Variants in CTNNA3 observed in about 807,000 individuals in gnomAD.
CTNNA3 encodes catenin alpha 3.
CTNNA3 carries 76 observed loss-of-function variants against 95.7 expected under a neutral mutation model. The ratio of observed to expected loss-of-function variants is 0.79; its 90% CI spans 0.66 to 0.96. CTNNA3 has a LOEUF of 0.96. Ranked by LOEUF, CTNNA3 falls within the 40% of genes least tolerant of loss-of-function variation. CTNNA3 has a pLI of 0.00. For missense variants in CTNNA3, 1,191 were observed against 1,089.8 expected (o/e 1.09, Z -1.31); for synonymous variants, 431 against 374.4 (o/e 1.15, Z -1.74).
intron 7 of CTNNA3, among the ~76,000 whole-genome samples, chr10:67,078,535 G>A (rs772774419): frequency 6.6e-6 from 1 of 151,188 alleles, no homozygotes; most frequent in Non-Finnish European, 1.5e-5. Flanking sequence ...ATTATTATTT[G>A]AGAAGGAGTC....
At chr10:66,656,991 A>G (rs907977738) in intron 9 of CTNNA3, among the ~76,000 whole-genome samples, 4 of 152,122 alleles carry the variant, frequency 2.6e-5, no homozygotes, top group African/African-American at 7.2e-5. Flanking sequence ...TTGCACTTTC[A>G]TGCAAAGAGC....
At chr10:67,120,208 T>G (rs1003045047) in intron 7 of CTNNA3, among the ~76,000 whole-genome samples, 6 of 151,952 alleles carry the variant, frequency 3.9e-5, no homozygotes, top group African/African-American at 1.4e-4. Context: ...TATTATGAAA[T>G]GACTTTTTCT....
At chr10:66,439,822 T>C (rs751819715) in intron 11 of CTNNA3, among the ~76,000 whole-genome samples, 14 of 152,160 alleles carry the variant, frequency 9.2e-5, no homozygotes, top group Non-Finnish European at 1.9e-4. Context: ...AAGGGCTGTT[T>C]ATAAAATGTC....
At chr10:66,052,382 T>C (rs771086787) in intron 15 of CTNNA3, among the ~76,000 whole-genome samples, 2 of 152,020 alleles carry the variant, frequency 1.3e-5, no homozygotes, top group Non-Finnish European at 2.9e-5. Context: ...TTGAGGTGAG[T>C]ACTTACTTGA....
intron 6 of CTNNA3, among the ~76,000 whole-genome samples, chr10:67,181,236 GTTGA>G (rs1862525890): frequency 6.6e-6 from 1 of 152,106 alleles, no homozygotes; most frequent in Non-Finnish European, 1.5e-5. Context: ...GCTTCTTCCT[GTTGA>G]TCTATTATAA....
At chr10:65,992,270 T>C (rs1334820055) in intron 15 of CTNNA3, among the ~76,000 whole-genome samples, 1 of 152,078 alleles carries the variant, frequency 6.6e-6, no homozygotes, top group African/African-American at 2.4e-5. Context: ...TAAAATAAAA[T>C]AGGGAGAATT....
chr10:66,225,597 T>C (rs2089241875), intron 13 of CTNNA3, among the ~76,000 whole-genome samples: 1 of 151,578 alleles, frequency 6.6e-6, no homozygotes, highest in African/African-American at 2.4e-5. Flanking sequence ...AAATATCAAG[T>C]AATGGGATTG....
intron 15 of CTNNA3, among the ~76,000 whole-genome samples, chr10:66,024,183 G>A (rs1247353443): frequency 7.3e-6 from 1 of 137,882 alleles, no homozygotes; most frequent in Non-Finnish European, 1.5e-5. Context: ...TCCGCCTCCC[G>A]GGTTCATGCC....
chr10:67,702,520 A>G (rs955254242), intron 1 of CTNNA3, among the ~76,000 whole-genome samples: 47 of 152,238 alleles, frequency 3.1e-4, no homozygotes, highest in Non-Finnish European at 6.3e-4. Context: ...CTGCTCCTGA[A>G]TGACTACTGG....
chr10:66,704,629 G>A (rs553595044), intron 9 of CTNNA3, among the ~76,000 whole-genome samples: 6 of 151,948 alleles, frequency 3.9e-5, no homozygotes, highest in Non-Finnish European at 8.8e-5. Flanking sequence ...GGTCTGGGAG[G>A]GTCTTCTTCC....
At chr10:67,378,383 T>C (rs1843774952) in intron 5 of CTNNA3, among the ~76,000 whole-genome samples, 1 of 152,162 alleles carries the variant, frequency 6.6e-6, no homozygotes, top group Admixed American at 6.5e-5. Context: ...TAACCAGGTA[T>C]GGTTATCAAA....
intron 10 of CTNNA3, among the ~76,000 whole-genome samples, chr10:66,604,368 T>C (rs1207869740): frequency 6.6e-6 from 1 of 152,196 alleles, no homozygotes; most frequent in East Asian, 1.9e-4. Flanking sequence ...TGACTCATGC[T>C]GCCTCCACCG....
chr10:66,300,140 C>T (rs1365872422), intron 12 of CTNNA3, among the ~76,000 whole-genome samples: 4 of 152,064 alleles, frequency 2.6e-5, no homozygotes, highest in South Asian at 2.1e-4. Flanking sequence ...GATTCACCTG[C>T]CTCAGCCTCC....
intron 5 of CTNNA3, among the ~76,000 whole-genome samples, chr10:67,338,262 G>A (rs1842062613): frequency 6.6e-6 from 1 of 152,144 alleles, no homozygotes; most frequent in South Asian, 2.1e-4. Flanking sequence ...AAGGGAAGCT[G>A]GCTTGTCACA....
chr10:66,479,978 A>ACACACC lies in CTNNA3; in HGVS notation c.1531+40638_1531+40639insGGTGTG, dbSNP rs1427904243. 3.2e-4 allele frequency among the ~76,000 whole-genome samples: 49 copies of ACACACC among 151,442 alleles called. 1 individual carries two copies. Among genetic ancestry groups the ACACACC allele is most frequent in the Non-Finnish European group, 4.1e-4 (28 of 67,824 alleles). On this transcript the variant is annotated intron_variant, in intron 11 of 17. Transcript: ENST00000433211. ...CACACACACACACACACACACACACACCCCAGAACTTTCAACTCAGCCCAG... is the reference window on the plus strand; with the variant it reads ...CACACACACACACACACACACACACACACACCCCCCAGAACTTTCAACTCAGCCCAG...
chr10:67,128,294 A>G (rs972834785), intron 7 of CTNNA3, among the ~76,000 whole-genome samples: 1 of 152,160 alleles, frequency 6.6e-6, no homozygotes. Context: ...AATCTTATCT[A>G]AAAAAGATTA....
intron 7 of CTNNA3, among the ~76,000 whole-genome samples, chr10:66,822,724 GA>G (rs1188195758): frequency 6.6e-6 from 1 of 152,148 alleles, no homozygotes; most frequent in African/African-American, 2.4e-5. Context: ...CTTATGGAGA[GA>G]AAGGGAAAGA....
intron 1 of CTNNA3, chr10:67,750,190 C>A (rs370816044): frequency 3.1e-6 from 4 of 1,278,570 alleles, no homozygotes; most frequent in East Asian, 4.7e-5. Context: ...TTCTTGAAGT[C>A]AGTGAGACCA....
chr10:66,693,949 C>T (rs1847658834), intron 9 of CTNNA3, among the ~76,000 whole-genome samples: 1 of 151,892 alleles, frequency 6.6e-6, no homozygotes, highest in Non-Finnish European at 1.5e-5. Flanking sequence ...ATCTCTGGGA[C>T]ACATTCAAAG....
Sources: gnomAD v4.1 joint callset for allele counts (sites outside exome capture counted in the v4.1 genomes callset) on GRCh38, gnomAD v4.1.1 for gene constraint, MANE v1.5 for transcripts, NCBI Gene and HGNC (gene_info 2026-07-23, HGNC 2026-07-21) for gene names.